The following SALL2 variants were observed in gnomAD, a reference collection of about 807,000 sequenced individuals.
The protein encoded by SALL2 is sal-like protein 2.
In SALL2, 32 loss-of-function variants were observed where a neutral mutation model predicts 58.5. The ratio of observed to expected loss-of-function variants is 0.55; its 90% confidence interval spans 0.41 to 0.74. The LOEUF is 0.74. Ranked by LOEUF, SALL2 falls within the 30% of genes least tolerant of loss-of-function variation. The probability of loss-of-function intolerance (pLI) is 0.00; values close to 1 mark genes in which losing one functional copy is unlikely to be tolerated. For missense variants in SALL2, 1,201 were observed against 1,268.9 expected (o/e 0.95, Z 0.81); for synonymous variants, 516 against 513.6 (o/e 1.00, Z -0.06).
rs10139262 is a variant in SALL2 at position 21,526,000 on chromosome 14, G to C, written c.67+61C>G. The stretch of plus-strand genomic sequence containing the variant: ...TTTCTCCCACCCACCGAAAGTCTTC[G>C]CCGCCCCTGCGCATCCCCCTCCGCC... On this transcript the variant is annotated intron_variant, in intron 1 of 1. Transcript: ENST00000537235. The surrounding 1 kb of genome is among the most constrained non-coding windows in gnomAD (Gnocchi z 4.4). 4.0e-3 allele frequency: 5,584 copies of C among 1,386,714 alleles called. 191 individuals are homozygous for C. In the African/African-American group the frequency reaches 0.071, roughly 18 times the overall value. 85.9% of individuals were successfully genotyped at this position (1,386,714 alleles called of 1,614,324 possible).
Position 21,524,627 on chromosome 14 carries a change from C to T in SALL2, c.1095G>A (p.Glu365=), listed in dbSNP as rs1444034219. ...LSYGEVMGPL[E]KPGGRHKCRF... is the part of the protein sequence containing the mutation. ...GGCATTTGTGCCTTCCACCAGGCTT[C>T]TCCAAGGGACCCATCACTTCTCCGT... Residue 365 remains glutamate, a synonymous_variant, in exon 2 of 2, where the codon GAG becomes GAA. Transcript: ENST00000537235. The T allele has an allele frequency of 1.2e-6, 2 of 1,614,208 alleles. No individual in the cohort carries two copies. The highest frequency in any genetic ancestry group is 1.1e-5 in the South Asian group (1 of 91,080).
intron 1 of SALL2, among the ~76,000 whole-genome samples, chr14:21,536,044 C>T (rs1892588331): frequency 6.6e-6 from 1 of 152,160 alleles, no homozygotes; most frequent in Non-Finnish European, 1.5e-5. Flanking sequence ...TGAGCAATTT[C>T]ACTCTTCAAT....
chr14:21,530,364 C>T (rs1173060840), upstream of SALL2, among the ~76,000 whole-genome samples: 1 of 145,194 alleles, frequency 6.9e-6, no homozygotes, highest in Non-Finnish European at 1.5e-5. Flanking sequence ...CTCGGCTCAC[C>T]GCAACCTCCA....
At position 21,522,667 on chromosome 14, in the gene SALL2, C is replaced by T. The variant is rs575844953; in HGVS notation, c.*37G>A. 3 of 1,509,190 alleles carry T rather than the reference C, an allele frequency of 2.0e-6. No homozygotes were observed. In the African/African-American group the frequency reaches 4.2e-5, roughly 21 times the overall value. The allele number at this position is 1,509,190 out of a possible 1,614,324, so 93.5% of individuals were successfully genotyped here. On this transcript the variant is annotated 3_prime_UTR_variant, in exon 2 of 2. Transcript: ENST00000537235. ...GTCCTTTTGTGAAGCTGTTTCTGCTCTGTGGGACAAAGAGCAGCAGGTACA... is the reference window on the plus strand; with the variant it reads ...GTCCTTTTGTGAAGCTGTTTCTGCTTTGTGGGACAAAGAGCAGCAGGTACA...
chr14:21,535,269 T>C lies in SALL2; in HGVS notation c.-114+1693A>G, dbSNP rs983840858. ...CTGAGGCAGGAGAATGGCGTGAACC[T>C]GGGAGGTGGAGCGGGCAGTGAGCCA... On this transcript the variant is annotated intron_variant, in intron 1 of 1. Coordinates refer to the SALL2 transcript ENST00000541965. Among the ~76,000 whole-genome samples, 10 of 147,436 alleles carry C rather than the reference T, an allele frequency of 6.8e-5. No individual in the cohort carries two copies. The South Asian group carries it at 8.5e-4, about 13-fold the overall frequency.
rs1892607526 is a variant in SALL2 at position 21,536,788 on chromosome 14, G to GC, written c.-114+173dup. 73 of 1,439,378 alleles carry GC rather than the reference G, an allele frequency of 5.1e-5. No individual in the cohort carries two copies. The South Asian group carries it at 8.3e-4, about 16-fold the overall frequency. The allele number at this position is 1,439,378 out of a possible 1,614,324, so 89.2% of individuals were successfully genotyped here. On this transcript the variant is annotated intron_variant, in intron 1 of 1. Transcript: ENST00000541965. ...CCCATGGCCCGAGTGCCCTCCCCTT[G>GC]CCCTGGCCTGACCCACACAGGCTTG...
At position 21,523,073 on chromosome 14, in the gene SALL2, G is replaced by A; in HGVS notation, c.2649C>T (p.Ala883=). ...GCTCCTCTACCAAGGTCACGCTGGT[G>A]GCTTCCCCTTCTGGGGTGAGTGCTG... ...PASALTPEGE[A]TSVTLVEELS... Residue 883 remains alanine (A), a synonymous_variant, in exon 2 of 2, where the codon GCC becomes GCT. Coordinates refer to ENST00000537235, the MANE Select transcript of SALL2 (RefSeq NM_001364564.1). This position sits in a 1 kb window ranked among gnomAD's most constrained non-coding sequence, Gnocchi z 4.4. 6.2e-7 allele frequency: 1 copy of A among 1,614,132 alleles called. No homozygotes were observed. The highest frequency in any genetic ancestry group is 8.5e-7 in the Non-Finnish European group (1 of 1,180,028).
At position 21,522,411 on chromosome 14, in the gene SALL2, G is replaced by C; in HGVS notation, c.*293C>G. ...AAGGGAAAGGGAGAGGAGAGAGGAG[G>C]GGGAAGAAGGGTCACACCAGGGAAG... is the stretch of plus-strand genomic sequence containing the variant. On this transcript the variant is annotated 3_prime_UTR_variant, in exon 2 of 2. Transcript: ENST00000537235. The C allele has an allele frequency of 7.1e-7, 1 of 1,412,472 alleles. No individual in the cohort carries two copies. Among genetic ancestry groups the C allele is most frequent in the Non-Finnish European group, 9.2e-7 (1 of 1,086,432 alleles). The allele number at this position is 1,412,472 out of a possible 1,614,324, so 87.5% of individuals were successfully genotyped here. A position where few individuals can be genotyped will look rare whatever the true frequency, so the allele number is the denominator to read the frequency against.
chr14:21,527,129 A>G (rs763162973), upstream of SALL2, among the ~76,000 whole-genome samples: 5 of 152,118 alleles, frequency 3.3e-5, no homozygotes, highest in Non-Finnish European at 7.4e-5. Context: ...CACCGTCACT[A>G]TTAAAGACAG....
At chr14:21,530,249 G>C (rs1594468312), upstream of SALL2, among the ~76,000 whole-genome samples, 2 of 139,442 alleles carry the variant, frequency 1.4e-5, no homozygotes, top group Non-Finnish European at 1.6e-5. Flanking sequence ...TTTTTTAATT[G>C]ATATTTGAGC....
Position 21,522,552 on chromosome 14 carries a change from C to T in SALL2, c.*152G>A, listed in dbSNP as rs1892080065. ...ATCCCCTTGTAAGCACAGTAATTTCCAAGCTCAGGGACTACAGAAAAGCCA... is the reference window on the plus strand; with the variant it reads ...ATCCCCTTGTAAGCACAGTAATTTCTAAGCTCAGGGACTACAGAAAAGCCA... On this transcript the variant is annotated 3_prime_UTR_variant, in exon 2 of 2. Coordinates refer to ENST00000537235, the MANE Select transcript of SALL2 (RefSeq NM_001364564.1). 3 of 1,389,440 alleles carry T rather than the reference C, an allele frequency of 2.2e-6. No homozygotes were observed. The highest frequency in any genetic ancestry group is 3.2e-5 in the Admixed American group (1 of 30,846). The allele number at this position is 1,389,440 out of a possible 1,614,324, so 86.1% of individuals were successfully genotyped here.
Position 21,526,199 on chromosome 14 carries a change from G to A in SALL2, c.-72C>T. On this transcript the variant is annotated 5_prime_UTR_variant, in exon 1 of 2. Coordinates refer to ENST00000537235, the MANE Select transcript of SALL2 (RefSeq NM_001364564.1). ...ATTGGGATTGAGGGAGGCGATGGCC[G>A]CTGGGTCTGCGGCAGCCTCTGCACC... The A allele has an allele frequency of 3.3e-6, 5 of 1,524,432 alleles. No individual in the cohort carries two copies. The highest frequency in any genetic ancestry group is 1.9e-4 in the Middle Eastern group (1 of 5,224). The allele number at this position is 1,524,432 out of a possible 1,614,324, so 94.4% of individuals were successfully genotyped here.
upstream of SALL2, among the ~76,000 whole-genome samples, chr14:21,527,923 C>T (rs1400601926): frequency 2.6e-5 from 4 of 151,314 alleles, no homozygotes; most frequent in East Asian, 1.9e-4. Flanking sequence ...GGGCAGATCA[C>T]GAGGTCAGAA....
At chr14:21,528,472 T>G (rs1398244458), upstream of SALL2, among the ~76,000 whole-genome samples, 1 of 152,252 alleles carries the variant, frequency 6.6e-6, no homozygotes. Flanking sequence ...TTTTTAAACT[T>G]AAAACAGTTT....
Position 21,523,080 on chromosome 14 carries a change from C to T in SALL2, c.2642G>A (p.Gly881Glu), listed in dbSNP as rs1283544899. ...SSPASALTPE[G>E]EATSVTLVEE... is the part of the protein sequence containing the mutation. The stretch of plus-strand genomic sequence containing the variant: ...TACCAAGGTCACGCTGGTGGCTTCC[C>T]CTTCTGGGGTGAGTGCTGATGCCGG... The change falls in exon 2 of 2, where the codon GGG (glycine) becomes GAG (glutamate). Residue 881 changes from glycine (G) to glutamate (E), a missense_variant. Coordinates refer to ENST00000537235, the MANE Select transcript of SALL2 (RefSeq NM_001364564.1). The surrounding 1 kb of genome is among the most constrained non-coding windows in gnomAD (Gnocchi z 4.4). 3.1e-6 allele frequency: 5 copies of T among 1,614,030 alleles called. No homozygotes were observed. Among genetic ancestry groups the T allele is most frequent in the Non-Finnish European group, 4.2e-6 (5 of 1,180,036 alleles).
rs768526871 is a variant in SALL2 at position 21,523,927 on chromosome 14, G to A, written c.1795C>T (p.Arg599Trp). 4.9e-5 allele frequency: 79 copies of A among 1,614,040 alleles called. No individual in the cohort carries two copies. The highest frequency in any genetic ancestry group is 1.6e-4 in the Middle Eastern group (1 of 6,084). Residue 599 changes from arginine (R) to tryptophan (W), a missense_variant, in exon 2 of 2, where the codon CGG (arginine) becomes TGG (tryptophan). Transcript: ENST00000537235. This position sits in a 1 kb window ranked among gnomAD's most constrained non-coding sequence, Gnocchi z 4.4. ...GAGGTCACCGCCACAGCTCCTTGCCGGTCAATCTTTTCTACCAGTTGCTGC... is the reference window on the plus strand; with the variant it reads ...GAGGTCACCGCCACAGCTCCTTGCCAGTCAATCTTTTCTACCAGTTGCTGC... ...KLQQLVEKID[R>W]QGAVAVTSAA... is the part of the protein sequence containing the mutation.
At chr14:21,526,593 T>G (rs1398406343), upstream of SALL2, 2 of 769,774 alleles carry the variant, frequency 2.6e-6, no homozygotes, top group Non-Finnish European at 3.2e-6. Context: ...CCCCCCGCCC[T>G]CCCCTCCTAA....
Position 21,522,121 on chromosome 14 carries a change from T to G in SALL2, c.*583A>C. On this transcript the variant is annotated 3_prime_UTR_variant, in exon 2 of 2. Transcript: ENST00000537235. ...CTGGATCCCATTGTTGGAGGCACCT[T>G]CCCAGCCACAGTTCCTAGGCCAAAC... The G allele has an allele frequency of 6.3e-7, 1 of 1,597,654 alleles. No individual in the cohort carries two copies. The highest frequency in any genetic ancestry group is 8.5e-7 in the Non-Finnish European group (1 of 1,179,628).
chr14:21,534,544 A>G (rs1360718012), intron 1 of SALL2, among the ~76,000 whole-genome samples: 1 of 152,114 alleles, frequency 6.6e-6, no homozygotes, highest in Admixed American at 6.5e-5. Context: ...GCCGCTAAAG[A>G]TAGCTTTTGA....
Sources: gnomAD v4.1 joint callset for allele counts (sites outside exome capture counted in the v4.1 genomes callset) on GRCh38, gnomAD v4.1.1 for gene constraint, Gnocchi (gnomAD v3.1) non-coding constraint, MANE v1.5 for transcripts, NCBI Gene and HGNC (gene_info 2026-07-23, HGNC 2026-07-21) for gene names.